TCERG1L: variants seen among roughly 807,000 people sequenced by gnomAD.
TCERG1L encodes transcription elongation regulator 1-like protein.
Under a neutral mutation model 56.3 loss-of-function variants are expected in TCERG1L, and 37 were observed. The ratio of observed to expected loss-of-function variants is 0.66; its 90% CI spans 0.51 to 0.87. The LOEUF (loss-of-function observed/expected upper bound fraction) is 0.87. Ranked by LOEUF, TCERG1L falls within the 40% of genes least tolerant of loss-of-function variation. The pLI, the probability that TCERG1L is intolerant of heterozygous loss-of-function variation, is 0.00. For missense variants in TCERG1L, 799 were observed against 774.2 expected, an observed-to-expected ratio of 1.03 and a Z score of -0.38; for synonymous variants, 324 against 326.3, an observed-to-expected ratio of 0.99 and a Z score of 0.08.
chr10:131,224,191 C>T (rs1394060152), intron 4 of TCERG1L, among the ~76,000 whole-genome samples: 2 of 152,108 alleles, frequency 1.3e-5, no homozygotes, highest in African/African-American at 2.4e-5. Context: ...GAAACTCTCA[C>T]CCCATTATTC....
At chr10:131,215,488 T>C (rs1172613051) in intron 4 of TCERG1L, among the ~76,000 whole-genome samples, 1 of 151,226 alleles carries the variant, frequency 6.6e-6, no homozygotes, top group African/African-American at 2.4e-5. Context: ...AGGCTTCCTG[T>C]TCTTGGAGGA....
intron 7 of TCERG1L, among the ~76,000 whole-genome samples, chr10:131,134,999 C>T (rs1371941409): frequency 6.6e-6 from 1 of 152,220 alleles, no homozygotes; most frequent in Non-Finnish European, 1.5e-5. Flanking sequence ...AAGACATGAT[C>T]CCTTATTTCC....
At position 131,103,461 on chromosome 10, in the gene TCERG1L, T is replaced by C. The variant is rs892867959; in HGVS notation, c.1485+804A>G. Among the ~76,000 whole-genome samples the C allele has an allele frequency of 4.6e-5, 7 of 152,000 alleles. No individual in the cohort carries two copies. Among genetic ancestry groups the C allele is most frequent in the Admixed American group, 6.6e-5 (1 of 15,250 alleles). On this transcript the variant is annotated intron_variant, in intron 10 of 11. Transcript: ENST00000368642. This position sits in a 1 kb window ranked among gnomAD's most constrained non-coding sequence, Gnocchi z 4.3. ...ATCCCAACACTTTGGGAGCCCAAGG[T>C]GGAAGGATTGCTTGAGCCTAGGAGT... is the stretch of plus-strand genomic sequence containing the variant.
chr10:131,190,691 C>G (rs755448339), intron 4 of TCERG1L, among the ~76,000 whole-genome samples: 3 of 143,628 alleles, frequency 2.1e-5, no homozygotes, highest in Non-Finnish European at 3.1e-5. Flanking sequence ...AAACTCCCAA[C>G]AAACTAGGCA....
intron 6 of TCERG1L, among the ~76,000 whole-genome samples, chr10:131,154,469 C>A (rs144408597): frequency 1.8e-4 from 28 of 152,306 alleles, no homozygotes; most frequent in African/African-American, 6.7e-4. Flanking sequence ...ATGGACAAAG[C>A]CACACACTCC....
chr10:131,174,706 C>A (rs950338397), intron 4 of TCERG1L, among the ~76,000 whole-genome samples: 1 of 151,456 alleles, frequency 6.6e-6, no homozygotes, highest in South Asian at 2.1e-4. Context: ...TAATTTTCCA[C>A]CCATTTTTAA....
intron 5 of TCERG1L, among the ~76,000 whole-genome samples, chr10:131,164,342 C>T (rs1252585665): frequency 6.6e-6 from 1 of 152,104 alleles, no homozygotes; most frequent in Non-Finnish European, 1.5e-5. Context: ...CAGAGGCCCA[C>T]AATTCAGATG....
At chr10:131,162,024 T>C (rs191700548) in intron 6 of TCERG1L, 1 of 152,286 alleles carries the variant, frequency 6.6e-6, no homozygotes, top group Admixed American at 6.5e-5. Context: ...GAGGAGGTCA[T>C]GGGAACCCCA....
rs1433304218 is a variant in TCERG1L, at chr10:131,228,125, A to C, written c.856+32134T>G. ...TTTCCTCAAGGGCTCCGGAGTCTCCACTCCAGACAGGCATTTCCTCAAGGC... is the reference window on the plus strand; with the variant it reads ...TTTCCTCAAGGGCTCCGGAGTCTCCCCTCCAGACAGGCATTTCCTCAAGGC... On this transcript the variant is annotated intron_variant, in intron 4 of 11. Coordinates refer to ENST00000368642, the MANE Select transcript of TCERG1L (RefSeq NM_174937.4). Among the ~76,000 whole-genome samples the C allele has an allele frequency of 5.2e-3, 597 of 115,226 alleles. 1 individual carries two copies. The highest frequency in any genetic ancestry group is 8.2e-3 in the South Asian group (28 of 3,416). The allele number at this position is 115,226 out of a possible 152,430, so 75.6% of individuals were successfully genotyped here.
intron 4 of TCERG1L, among the ~76,000 whole-genome samples, chr10:131,168,816 G>A (rs1846060240): frequency 6.7e-6 from 1 of 149,886 alleles, no homozygotes; most frequent in Non-Finnish European, 1.5e-5. Flanking sequence ...TCCACACAGA[G>A]TCTACACTGC....
rs1020686803 is a variant in TCERG1L, at chr10:131,146,538, G to A, written c.1157C>T (p.Pro386Leu). The A allele has an allele frequency of 2.5e-6, 4 of 1,612,138 alleles. No homozygotes were observed. The highest frequency in any genetic ancestry group is 3.4e-6 in the Non-Finnish European group (4 of 1,178,834). The change falls in exon 7 of 12, where the codon CCG becomes CTG. Residue 386 changes from proline to leucine, a missense_variant. Coordinates refer to ENST00000368642, the MANE Select transcript of TCERG1L (RefSeq NM_174937.4). Reference sequence around the variant, plus strand: ...TGCCTCCAGCTTGCGTTTGTGGGGCGGGTCCTCAATGATCCTGTTGAGGTC... The same window carrying A: ...TGCCTCCAGCTTGCGTTTGTGGGGCAGGTCCTCAATGATCCTGTTGAGGTC... ...RGDLNRIIED[P>L]PHKRKLEAPA... is the part of the protein sequence containing the mutation.
Position 131,154,989 on chromosome 10 carries a change from G to A in TCERG1L, c.1034+8133C>T, listed in dbSNP as rs1033714973. Among the ~76,000 whole-genome samples, 7 of 152,294 alleles carry A rather than the reference G, an allele frequency of 4.6e-5. No individual in the cohort carries two copies. The South Asian group carries it at 6.2e-4, about 14-fold the overall frequency. On this transcript the variant is annotated intron_variant, in intron 6 of 11. Transcript: ENST00000368642. Reference sequence around the variant, plus strand: ...GACAGAAGGTGCTCCAGGCGCTGGCGGCTGCTGCACAGTGAGAGTCCAGGA... The same window carrying A: ...GACAGAAGGTGCTCCAGGCGCTGGCAGCTGCTGCACAGTGAGAGTCCAGGA...
rs71009957 is a variant in TCERG1L, at chr10:131,291,401, C to CTTTTTTTTTTTTTTTT, written c.670+16794_670+16809dup. Among the ~76,000 whole-genome samples, 53 of 36,594 alleles carry CTTTTTTTTTTTTTTTT rather than the reference C, an allele frequency of 1.4e-3. 20 individuals are homozygous for CTTTTTTTTTTTTTTTT. The highest frequency in any genetic ancestry group is 4.4e-3 in the East Asian group (4 of 910). The allele number at this position is 36,594 out of a possible 152,430, so 24.0% of individuals were successfully genotyped here. On this transcript the variant is annotated intron_variant, in intron 3 of 11. Coordinates refer to ENST00000368642, the MANE Select transcript of TCERG1L (RefSeq NM_174937.4). ...TGTGTATATTCCATAAACAGCATTT[C>CTTTTTTTTTTTTTTTT]TTTTTTTTTTTTTTTTTTTTTTTTT...
chr10:131,186,009 C>T (rs564345078), intron 4 of TCERG1L, among the ~76,000 whole-genome samples: 10 of 152,324 alleles, frequency 6.6e-5, no homozygotes, highest in East Asian at 3.9e-4. Context: ...ATCCAAGCGA[C>T]GGAACATTAT....
intron 4 of TCERG1L, among the ~76,000 whole-genome samples, chr10:131,207,786 T>C (rs1002585804): frequency 6.6e-5 from 10 of 152,068 alleles, no homozygotes; most frequent in African/African-American, 2.4e-4. Flanking sequence ...AGCTCGGGCT[T>C]CCCATCAGCC....
At chr10:131,256,994 A>AAAGG (rs1564827186) in intron 4 of TCERG1L, among the ~76,000 whole-genome samples, 14 of 69,132 alleles carry the variant, frequency 2.0e-4, no homozygotes, top group African/African-American at 7.5e-4. Flanking sequence ...GGAAGGAAGG[A>AAAGG]AAGAAAGAAA....
intron 3 of TCERG1L, among the ~76,000 whole-genome samples, chr10:131,274,198 A>G (rs1420788529): frequency 6.6e-6 from 1 of 152,186 alleles, no homozygotes; most frequent in East Asian, 1.9e-4. Context: ...TACATTTCAG[A>G]AAATATCCAC....
chr10:131,216,925 A>C (rs1845675893), intron 4 of TCERG1L, among the ~76,000 whole-genome samples: 1 of 152,162 alleles, frequency 6.6e-6, no homozygotes, highest in Admixed American at 6.5e-5. Context: ...CGAGGGTGGC[A>C]TCTCTACCCA....
intron 4 of TCERG1L, among the ~76,000 whole-genome samples, chr10:131,187,063 G>T (rs997143233): frequency 4.6e-5 from 7 of 152,176 alleles, no homozygotes; most frequent in Admixed American, 4.6e-4. Context: ...CCCCTCCAAT[G>T]CACTCGCTCT....
Sources: allele counts gnomAD v4.1 joint callset (sites outside exome capture counted in the v4.1 genomes callset), GRCh38; gene constraint gnomAD v4.1.1; non-coding constraint Gnocchi (gnomAD v3.1); transcripts MANE v1.5; gene names NCBI Gene and HGNC (gene_info 2026-07-23, HGNC 2026-07-21).